GPC5: variants seen among roughly 807,000 people sequenced by gnomAD.
GPC5 encodes glypican 5.
Under a neutral mutation model 53.9 loss-of-function variants are expected in GPC5, and 47 were observed. The ratio of observed to expected loss-of-function variants is 0.87; its 90% CI spans 0.69 to 1.11. The LOEUF (loss-of-function observed/expected upper bound fraction) is 1.11, where lower values mean the gene tolerates loss of function less well. GPC5 is among the 50% of genes most tolerant of loss of function. GPC5 has a pLI of 0.00. For missense variants in GPC5, 748 were observed against 713.1 expected (o/e 1.05, Z -0.56); for synonymous variants, 286 against 263.3 (o/e 1.09, Z -0.84).
chr13:91,865,969 G>A (rs2039079369), intron 5 of GPC5, among the ~76,000 whole-genome samples: 1 of 152,190 alleles, frequency 6.6e-6, no homozygotes, highest in African/African-American at 2.4e-5. Context: ...CTGGGTTAAA[G>A]TGCTTCTCTT....
intron 7 of GPC5, among the ~76,000 whole-genome samples, chr13:92,230,539 G>A (rs991016159): frequency 2.6e-5 from 4 of 151,988 alleles, no homozygotes; most frequent in Non-Finnish European, 4.4e-5. Context: ...TGAGATTTCT[G>A]CAATCTGTGA....
chr13:92,237,044 A>C (rs2042575715), intron 7 of GPC5, among the ~76,000 whole-genome samples: 1 of 152,094 alleles, frequency 6.6e-6, no homozygotes, highest in Non-Finnish European at 1.5e-5. Flanking sequence ...ATTAATGAAA[A>C]CACCCCACAA....
chr13:92,585,642 A>G (rs9301822), intron 7 of GPC5, among the ~76,000 whole-genome samples: 42 of 152,304 alleles, frequency 2.8e-4, no homozygotes, highest in African/African-American at 9.6e-4. Flanking sequence ...ATGTGAGGAC[A>G]TGAGATTTGG....
intron 6 of GPC5, among the ~76,000 whole-genome samples, chr13:91,951,065 C>G (rs902313776): frequency 6.6e-6 from 1 of 152,154 alleles, no homozygotes; most frequent in Admixed American, 6.6e-5. Context: ...TATCACTCTA[C>G]AGCTAGTTTA....
intron 7 of GPC5, among the ~76,000 whole-genome samples, chr13:92,748,831 T>G (rs1343135579): frequency 6.6e-6 from 1 of 152,172 alleles, no homozygotes; most frequent in Non-Finnish European, 1.5e-5. Context: ...ACATTATTTC[T>G]CTGGAGTAGA....
At chr13:91,869,791 C>T (rs542995988) in intron 5 of GPC5, among the ~76,000 whole-genome samples, 13 of 152,090 alleles carry the variant, frequency 8.5e-5, no homozygotes, top group South Asian at 8.3e-4. Context: ...ATAATTGTAG[C>T]GGAAGGTGAG....
intron 7 of GPC5, among the ~76,000 whole-genome samples, chr13:92,700,936 G>A (rs974304255): frequency 1.3e-5 from 2 of 151,910 alleles, no homozygotes; most frequent in Admixed American, 6.6e-5. Flanking sequence ...TCTTTCTTAG[G>A]GTTTCTTCTG....
rs144302234 is a variant in GPC5 at position 92,549,712 on chromosome 13, T to C, written c.1562-316570T>C. Among the ~76,000 whole-genome samples, 36 of 152,120 alleles carry C rather than the reference T, an allele frequency of 2.4e-4. No homozygotes were observed. In the East Asian group the frequency reaches 5.8e-3, roughly 25 times the overall value. The stretch of plus-strand genomic sequence containing the variant: ...GCCCATTTACAGCAGAGGAGAAAAT[T>C]AAATCTGCTAAGGAGAAAGTATCCT... On this transcript the variant is annotated intron_variant, in intron 7 of 7. Coordinates refer to ENST00000377067, the MANE Select transcript of GPC5 (RefSeq NM_004466.6).
intron 7 of GPC5, among the ~76,000 whole-genome samples, chr13:92,222,429 TA>T (rs2042456430): frequency 6.6e-6 from 1 of 152,118 alleles, no homozygotes; most frequent in African/African-American, 2.4e-5. Context: ...TACAGTAAAT[TA>T]AGAAAAAACA....
At chr13:92,358,993 G>T (rs2139278609) in intron 7 of GPC5, among the ~76,000 whole-genome samples, 1 of 151,844 alleles carries the variant, frequency 6.6e-6, no homozygotes, top group Non-Finnish European at 1.5e-5. Context: ...TCCCCTGAAT[G>T]TGGGTTTTTC....
intron 7 of GPC5, among the ~76,000 whole-genome samples, chr13:92,522,911 T>G (rs1881122969): frequency 6.6e-6 from 1 of 152,104 alleles, no homozygotes; most frequent in African/African-American, 2.4e-5. Context: ...AATACGTTTT[T>G]CAAAAAATAA....
chr13:92,059,520 A>G (rs1010300546), intron 6 of GPC5, among the ~76,000 whole-genome samples: 5 of 152,006 alleles, frequency 3.3e-5, no homozygotes, highest in Non-Finnish European at 5.9e-5. Flanking sequence ...ATAAAATAGA[A>G]TATACTAGAT....
chr13:91,502,631 T>C (rs1344285558), intron 2 of GPC5, among the ~76,000 whole-genome samples: 1 of 152,194 alleles, frequency 6.6e-6, no homozygotes, highest in Admixed American at 6.5e-5. Flanking sequence ...GTGAGAATGC[T>C]ATATATCAAG....
At chr13:92,477,044 TAATAAAA>T (rs1879174783) in intron 7 of GPC5, among the ~76,000 whole-genome samples, 2 of 129,924 alleles carry the variant, frequency 1.5e-5, no homozygotes, top group African/African-American at 6.6e-5. Flanking sequence ...TAAAGTATAA[TAATAAAA>T]AATAAATAAA....
chr13:92,169,046 G>A (rs570897508), intron 7 of GPC5, among the ~76,000 whole-genome samples: 2 of 152,142 alleles, frequency 1.3e-5, no homozygotes, highest in Non-Finnish European at 2.9e-5. Flanking sequence ...GGATGGAGCT[G>A]GAAGCCATTA....
chr13:91,991,566 TTCTC>T (rs528628695), intron 6 of GPC5, among the ~76,000 whole-genome samples: 5 of 151,904 alleles, frequency 3.3e-5, no homozygotes, highest in African/African-American at 9.7e-5. Flanking sequence ...AATTTTTTTT[TTCTC>T]TCTCTCTCTA....
At chr13:92,141,582 G>T (rs1041008042) in intron 6 of GPC5, among the ~76,000 whole-genome samples, 6 of 152,232 alleles carry the variant, frequency 3.9e-5, no homozygotes, top group African/African-American at 1.4e-4. Context: ...TGGCCCATTT[G>T]AGGGTTAGAG....
Position 91,976,654 on chromosome 13 carries a change from T to C in GPC5, c.1401+68597T>C, listed in dbSNP as rs557170316. Among the ~76,000 whole-genome samples the C allele has an allele frequency of 3.3e-5, 5 of 152,332 alleles. 1 individual carries two copies. In the South Asian group the frequency reaches 1.0e-3, roughly 32 times the overall value. ...ATCTCATTATCTGGATGCAGTGATC[T>C]GGCGAGTTTCAGTTCCTTGATACTA... On this transcript the variant is annotated intron_variant, in intron 6 of 7. Transcript: ENST00000377067.
chr13:92,851,027 CA>C (rs1878781974), intron 7 of GPC5, among the ~76,000 whole-genome samples: 1 of 152,038 alleles, frequency 6.6e-6, no homozygotes, highest in African/African-American at 2.4e-5. Flanking sequence ...AGGAAACTTA[CA>C]GACACAGCAG....
Sources: gnomAD v4.1 joint callset for allele counts (sites outside exome capture counted in the v4.1 genomes callset) on GRCh38, gnomAD v4.1.1 for gene constraint, MANE v1.5 for transcripts, NCBI Gene and HGNC (gene_info 2026-07-23, HGNC 2026-07-21) for gene names.